PARD3: variants seen among roughly 807,000 people sequenced by gnomAD.
The protein encoded by PARD3 is partitioning defective 3 homolog.
A neutral mutation model predicts 155.4 loss-of-function variants in PARD3; 75 were observed. That is an observed-to-expected ratio of 0.48 (90% confidence interval 0.40 to 0.58). The LOEUF is 0.58. PARD3 is among the 20% of genes least tolerant of loss of function. The pLI is 0.00. For missense variants in PARD3, 1,642 were observed against 1,721.7 expected (o/e 0.95, Z 0.82); for synonymous variants, 576 against 610.5 (o/e 0.94, Z 0.83).
At chr10:34,596,775 G>A (rs1369150442) in intron 2 of PARD3, among the ~76,000 whole-genome samples, 1 of 152,180 alleles carries the variant, frequency 6.6e-6, no homozygotes, top group East Asian at 1.9e-4. Context: ...GGGAAGGGCA[G>A]GGCTAGTGAT....
rs1279245996 is a variant in PARD3 at position 34,815,225 on chromosome 10, C to T, written c.-230G>A. On this transcript the variant is annotated 5_prime_UTR_variant, in exon 1 of 25. Coordinates refer to ENST00000374788, the MANE Select transcript of PARD3 (RefSeq NM_001184785.2). Reference sequence around the variant, plus strand: ...CGGGGCTTGCCTCGCCTCTCCCCGCCGCGGCGCCCGCAGCCTCCGGCCACC... The same window carrying T: ...CGGGGCTTGCCTCGCCTCTCCCCGCTGCGGCGCCCGCAGCCTCCGGCCACC... The T allele has an allele frequency of 6.4e-6, 1 of 156,988 alleles. No homozygotes were observed. Among genetic ancestry groups the T allele is most frequent in the Admixed American group, 6.6e-5 (1 of 15,252 alleles). 9.7% of individuals were successfully genotyped at this position (156,988 alleles called of 1,614,324 possible). A position where few individuals can be genotyped will look rare whatever the true frequency, so the allele number is the denominator to read the frequency against.
intron 7 of PARD3, among the ~76,000 whole-genome samples, chr10:34,389,374 G>T (rs1842667704): frequency 2.0e-5 from 3 of 151,368 alleles, no homozygotes; most frequent in Non-Finnish European, 4.4e-5. Context: ...ATTAAGGATT[G>T]CACCACTACA....
chr10:34,722,037 C>T (rs1447887316), intron 1 of PARD3, among the ~76,000 whole-genome samples: 2 of 151,886 alleles, frequency 1.3e-5, no homozygotes, highest in Non-Finnish European at 2.9e-5. Context: ...ATAAAAAACA[C>T]AAAAATTAGC....
chr10:34,744,712 C>A (rs1404157818), intron 1 of PARD3, among the ~76,000 whole-genome samples: 1 of 152,226 alleles, frequency 6.6e-6, no homozygotes. Flanking sequence ...GGACCAAAAT[C>A]TCAGTAGTCA....
intron 2 of PARD3, among the ~76,000 whole-genome samples, chr10:34,558,328 G>A (rs2134030255): frequency 6.6e-6 from 1 of 152,298 alleles, no homozygotes; most frequent in Admixed American, 6.5e-5. Context: ...TAGGACTTCT[G>A]CTTCACTGTA....
intron 2 of PARD3, among the ~76,000 whole-genome samples, chr10:34,627,822 C>T (rs1239365383): frequency 6.6e-6 from 1 of 152,190 alleles, no homozygotes; most frequent in Non-Finnish European, 1.5e-5. Context: ...ACAGACCATA[C>T]ATAAGCCCTC....
intron 23 of PARD3, among the ~76,000 whole-genome samples, chr10:34,121,289 T>C (rs1946987828): frequency 6.6e-6 from 1 of 152,186 alleles, no homozygotes; most frequent in Non-Finnish European, 1.5e-5. Context: ...AAATATACAA[T>C]GGTGCCTCTA....
intron 1 of PARD3, among the ~76,000 whole-genome samples, chr10:34,751,110 T>A (rs1258716105): frequency 6.6e-6 from 1 of 152,158 alleles, no homozygotes; most frequent in Non-Finnish European, 1.5e-5. Context: ...TTCCACACAC[T>A]GTTGATGTGT....
intron 22 of PARD3, among the ~76,000 whole-genome samples, chr10:34,203,915 A>T (rs1951338030): frequency 6.6e-6 from 1 of 152,194 alleles, no homozygotes; most frequent in Non-Finnish European, 1.5e-5. Flanking sequence ...AGTTTGGGAG[A>T]TATCTAATGT....
intron 20 of PARD3, among the ~76,000 whole-genome samples, chr10:34,286,137 A>G (rs1956377928): frequency 6.6e-6 from 1 of 152,228 alleles, no homozygotes; most frequent in South Asian, 2.1e-4. Flanking sequence ...ACACATAATG[A>G]TGGGCTTTAC....
At chr10:34,341,175 A>G (rs1451791784) in intron 16 of PARD3, among the ~76,000 whole-genome samples, 1 of 123,320 alleles carries the variant, frequency 8.1e-6, no homozygotes, top group Non-Finnish European at 1.7e-5. Flanking sequence ...GTATGGTTAT[A>G]GCACTCTGAA....
chr10:34,383,932 C>T (rs1054188180), intron 8 of PARD3, among the ~76,000 whole-genome samples, 197 bp downstream of exon 8: 2 of 152,116 alleles, frequency 1.3e-5, no homozygotes, highest in African/African-American at 4.8e-5. Context: ...AGAGCTATAT[C>T]CATCAGAGGA....
chr10:34,589,840 T>A (rs961382000), intron 2 of PARD3, among the ~76,000 whole-genome samples: 35 of 152,116 alleles, frequency 2.3e-4, no homozygotes, highest in Non-Finnish European at 4.9e-4. Flanking sequence ...CTCAAGTGAT[T>A]CCATGTACAG....
chr10:34,572,375 A>C (rs181317175), intron 2 of PARD3, among the ~76,000 whole-genome samples: 15 of 152,260 alleles, frequency 9.9e-5, no homozygotes, highest in Admixed American at 9.2e-4. Context: ...ACGATGGCTC[A>C]CACCTGTAAT....
chr10:34,720,622 A>C (rs1246428100), intron 1 of PARD3, among the ~76,000 whole-genome samples: 1 of 152,036 alleles, frequency 6.6e-6, no homozygotes, highest in Non-Finnish European at 1.5e-5. Context: ...ACAAGGAGAA[A>C]TCTTGTCTCT....
chr10:34,382,826 T>C lies in PARD3; in HGVS notation c.1113A>G (p.Gln371=). The part of the protein sequence containing the change: ...ANKEQYEQLS[Q]SEKNNYYSSR... The stretch of plus-strand genomic sequence containing the variant: ...TTGAATAGTAATTGTTCTTCTCACT[T>C]TGGGATAGTTGTTCATACTGCTCTT... The change falls in exon 9 of 25, where the codon CAA becomes CAG. Residue 371 remains glutamine, a synonymous_variant. Coordinates refer to ENST00000374788, the MANE Select transcript of PARD3 (RefSeq NM_001184785.2). The C allele has an allele frequency of 6.2e-7, 1 of 1,614,184 alleles. No individual in the cohort carries two copies. Among genetic ancestry groups the C allele is most frequent in the Non-Finnish European group, 8.5e-7 (1 of 1,180,044 alleles).
chr10:34,597,165 T>G (rs1192329857), intron 2 of PARD3, among the ~76,000 whole-genome samples: 1 of 152,114 alleles, frequency 6.6e-6, no homozygotes, highest in Non-Finnish European at 1.5e-5. Flanking sequence ...TTTGGTGTTG[T>G]CAGTCGCCTT....
At chr10:34,303,069 TAAA>T (rs869118245) in intron 20 of PARD3, among the ~76,000 whole-genome samples, 1 of 33,076 alleles carries the variant, frequency 3.0e-5, no homozygotes, top group Non-Finnish European at 9.1e-5. Context: ...AACCAAGTTT[TAAA>T]AAAAAAAAAA....
In PARD3 at chr10:34,317,300, C is replaced by G. The variant is rs769198708; in HGVS notation, c.2872G>C (p.Glu958Gln). The G allele has an allele frequency of 9.3e-6, 15 of 1,612,500 alleles. No individual in the cohort carries two copies. Among genetic ancestry groups the G allele is most frequent in the Non-Finnish European group, 4.2e-6 (5 of 1,179,648 alleles). Residue 958 changes from glutamate to glutamine, a missense_variant, in exon 20 of 25, where the codon GAG becomes CAG. This residue lies in a region of PARD3 where 1,529 missense variants were observed against 1,587.3 expected (regional missense o/e 0.96). Transcript: ENST00000374788. ...TGATCACTGGCTGTGGATACAGACTCTCTCCCTGATCTTGAACTTTCTTCT... is the reference window on the plus strand; with the variant it reads ...TGATCACTGGCTGTGGATACAGACTGTCTCCCTGATCTTGAACTTTCTTCT... Reference protein sequence around the residue: ...DTEESSRSGRESVSTASDQPS... With the variant: ...DTEESSRSGRQSVSTASDQPS...
Sources: gnomAD v4.1 joint callset for allele counts (sites outside exome capture counted in the v4.1 genomes callset) on GRCh38, gnomAD v4.1.1 for gene constraint, gnomAD v4.1.1 regional missense constraint, MANE v1.5 for transcripts, NCBI Gene and HGNC (gene_info 2026-07-23, HGNC 2026-07-21) for gene names.